Variants in CCDC63 observed in about 807,000 individuals in gnomAD.
The protein encoded by CCDC63 is coiled-coil domain-containing protein 63.
CCDC63 carries 54 observed loss-of-function variants against 63.6 expected under a neutral mutation model. The ratio of observed to expected loss-of-function variants is 0.85; its 90% CI spans 0.68 to 1.07. The LOEUF (loss-of-function observed/expected upper bound fraction) is 1.07. Among genes scored for constraint, CCDC63 ranks in the 50% least tolerant of loss-of-function variants. The pLI is 0.00. For synonymous variants in CCDC63, 253 were observed against 266.1 expected, an observed-to-expected ratio of 0.95 and a Z score of 0.48; for missense variants, 637 against 689.6, an observed-to-expected ratio of 0.92 and a Z score of 0.86.
At chr12:110,883,595 T>C (rs1040075145) in intron 7 of CCDC63, among the ~76,000 whole-genome samples, 1 of 146,476 alleles carries the variant, frequency 6.8e-6, no homozygotes, top group Non-Finnish European at 1.5e-5. Flanking sequence ...AGCATACTAC[T>C]ATATATATAT....
intron 8 of CCDC63, among the ~76,000 whole-genome samples, chr12:110,887,122 T>A (rs1230380437): frequency 6.6e-6 from 1 of 151,966 alleles, no homozygotes; most frequent in Non-Finnish European, 1.5e-5. Context: ...TTTTTTTAAA[T>A]TTTCTTTCTT....
intron 1 of CCDC63, among the ~76,000 whole-genome samples, chr12:110,851,199 G>A (rs987998297): frequency 2.0e-5 from 3 of 152,128 alleles, no homozygotes; most frequent in Non-Finnish European, 2.9e-5. Context: ...GGAATATACT[G>A]ATTTCTGTAA....
intron 4 of CCDC63, among the ~76,000 whole-genome samples, chr12:110,865,474 A>AAAAG (rs1555252946): frequency 6.6e-6 from 1 of 151,484 alleles, no homozygotes; most frequent in Non-Finnish European, 1.5e-5. Context: ...CAAAAAAAAA[A>AAAAG]AAAAAAAAGA....
intron 1 of CCDC63, among the ~76,000 whole-genome samples, chr12:110,850,799 C>T (rs1365006653): frequency 6.6e-6 from 1 of 152,158 alleles, no homozygotes; most frequent in East Asian, 1.9e-4. Flanking sequence ...TTACAGATCT[C>T]TTTGCTAGCC....
intron 1 of CCDC63, among the ~76,000 whole-genome samples, chr12:110,851,500 A>C (rs1475785403): frequency 6.6e-6 from 1 of 152,122 alleles, no homozygotes; most frequent in East Asian, 1.9e-4. Flanking sequence ...CCACCCCCGA[A>C]GAAATCCCAG....
chr12:110,899,489 T>A (rs2071458368), intron 10 of CCDC63, among the ~76,000 whole-genome samples: 1 of 152,010 alleles, frequency 6.6e-6, no homozygotes, highest in Non-Finnish European at 1.5e-5. Context: ...CGGCTGATTT[T>A]TTGTATTTTT....
At chr12:110,903,266 G>T (rs1290139722) in intron 10 of CCDC63, among the ~76,000 whole-genome samples, 1 of 152,160 alleles carries the variant, frequency 6.6e-6, no homozygotes, top group African/African-American at 2.4e-5. Flanking sequence ...GCCTCCCAAA[G>T]TGCTGGGATT....
At chr12:110,891,634 CAAAAAAAAAA>C (rs1167265918) in intron 8 of CCDC63, among the ~76,000 whole-genome samples, 1 of 65,512 alleles carries the variant, frequency 1.5e-5, no homozygotes, top group Non-Finnish European at 2.8e-5. Flanking sequence ...GACCCTTTCT[CAAAAAAAAAA>C]AAAAAAAAAA....
chr12:110,847,989 CCAAGGGGCAGGAGGCCCT>C (rs1340607507), intron 1 of CCDC63, among the ~76,000 whole-genome samples: 1 of 152,246 alleles, frequency 6.6e-6, no homozygotes, highest in Non-Finnish European at 1.5e-5. Context: ...AGACTGAGGC[CCAAGGGGCAGGAGGCCCT>C]TGCCTGACGT....
chr12:110,846,958 C>T (rs1461501859), upstream of CCDC63: 2 of 152,370 alleles, frequency 1.3e-5, no homozygotes, highest in East Asian at 3.9e-4. Flanking sequence ...TCCAGGGGTC[C>T]CAGAACGCCC....
In CCDC63 at chr12:110,904,789, A is replaced by G; in HGVS notation, c.1544A>G (p.Asp515Gly). ...GACCCCTTCAGCGACAGGTTGGATG[A>G]TGGTGAGTTCTCTCTCTCTCAATCT... ...GADPFSDRLD[D>G]VEQPLDHSSL... The change falls in exon 11 of 12, where the codon GAT (aspartate) becomes GGT (glycine). Residue 515 changes from aspartate (D) to glycine (G), a missense_variant and splice_region_variant. Coordinates refer to ENST00000308208, the MANE Select transcript of CCDC63 (RefSeq NM_152591.3). The G allele has an allele frequency of 6.2e-7, 1 of 1,606,400 alleles. No homozygotes were observed. Among genetic ancestry groups the G allele is most frequent in the South Asian group, 1.1e-5 (1 of 90,172 alleles).
chr12:110,853,708 C>A, intron 3 of CCDC63, 134 bp downstream of exon 3: 2 of 883,180 alleles, frequency 2.3e-6, no homozygotes, highest in South Asian at 1.6e-5. Flanking sequence ...GATCCACGGT[C>A]TTTTATCTGC....
intron 4 of CCDC63, among the ~76,000 whole-genome samples, chr12:110,869,412 A>G (rs901319173): frequency 6.6e-6 from 1 of 152,170 alleles, no homozygotes; most frequent in Non-Finnish European, 1.5e-5. Flanking sequence ...GCCTCTAAGA[A>G]GAGAATGTGC....
intron 4 of CCDC63, among the ~76,000 whole-genome samples, chr12:110,868,800 G>A (rs1593659840): frequency 6.9e-6 from 1 of 145,702 alleles, no homozygotes; most frequent in African/African-American, 2.6e-5. Flanking sequence ...AGAGGGAGAG[G>A]GAGAGCTTAA....
chr12:110,846,187 C>T (rs2070635270), upstream of CCDC63, among the ~76,000 whole-genome samples: 1 of 152,116 alleles, frequency 6.6e-6, no homozygotes, highest in African/African-American at 2.4e-5. Context: ...TGAGCTACTA[C>T]AATCCACTCA....
chr12:110,845,277 G>A (rs1456114722), upstream of CCDC63, among the ~76,000 whole-genome samples: 3 of 152,174 alleles, frequency 2.0e-5, no homozygotes, highest in Non-Finnish European at 2.9e-5. Context: ...GCTCTGCATG[G>A]AGCTGAGTGC....
rs138166209 is a variant in CCDC63, at chr12:110,900,626, G to C, written c.1342+1501G>C. Among the ~76,000 whole-genome samples, 401 of 148,630 alleles carry C rather than the reference G, an allele frequency of 2.7e-3. 1 individual carries two copies. Among genetic ancestry groups the C allele is most frequent in the African/African-American group, 9.7e-3 (390 of 40,350 alleles). On this transcript the variant is annotated intron_variant, in intron 10 of 11. Transcript: ENST00000308208. ...TTTTTTTTTTTTTTTTCGAGATGGA[G>C]TCTCACTCTGTCACCCAGGCTGGAA...
At position 110,875,446 on chromosome 12, in the gene CCDC63, A is replaced by AT. The variant is rs879583659; in HGVS notation, c.489+1499dup. ...TAATGATGACTTGTCTATAGGTATA[A>AT]TTTTTTTTTTTTTTGAGACGGAGTC... On this transcript the variant is annotated intron_variant, in intron 5 of 11. Coordinates refer to ENST00000308208, the MANE Select transcript of CCDC63 (RefSeq NM_152591.3). Among the ~76,000 whole-genome samples, 731 of 145,482 alleles carry AT rather than the reference A, an allele frequency of 5.0e-3. 4 individuals carry two copies. The highest frequency in any genetic ancestry group is 0.013 in the African/African-American group (516 of 39,928).
At chr12:110,878,462 C>T (rs1159756749) in intron 5 of CCDC63, among the ~76,000 whole-genome samples, 1 of 152,106 alleles carries the variant, frequency 6.6e-6, no homozygotes, top group East Asian at 1.9e-4. Context: ...TTACAGACAC[C>T]TGCCATCATG....
Sources: gnomAD v4.1 joint callset for allele counts (sites outside exome capture counted in the v4.1 genomes callset) on GRCh38, gnomAD v4.1.1 for gene constraint, MANE v1.5 for transcripts, NCBI Gene and HGNC (gene_info 2026-07-23, HGNC 2026-07-21) for gene names.